SLC26A7: variants seen among roughly 807,000 people sequenced by gnomAD.
The protein encoded by SLC26A7 is anion exchange transporter.
SLC26A7 carries 59 observed loss-of-function variants against 82.5 expected under a neutral mutation model. That is an observed-to-expected ratio of 0.72 (90% confidence interval 0.58 to 0.89). The LOEUF is 0.89. SLC26A7 is among the 40% of genes least tolerant of loss of function. The pLI, the probability that SLC26A7 is intolerant of heterozygous loss-of-function variation, is 0.00. For missense variants in SLC26A7, 820 were observed against 793.0 expected (o/e 1.03, Z -0.41); for synonymous variants, 271 against 274.3 (o/e 0.99, Z 0.12).
intron 2 of SLC26A7, among the ~76,000 whole-genome samples, chr8:91,287,075 T>A (rs1362458782): frequency 1.3e-5 from 2 of 152,196 alleles, no homozygotes; most frequent in Non-Finnish European, 2.9e-5. Flanking sequence ...GATATTGTTG[T>A]TTAAAGTAAA....
At chr8:91,394,974 T>C in intron 18 of SLC26A7, 88 bp from the exon 19 acceptor site, 1 of 1,442,556 alleles carries the variant, frequency 6.9e-7, no homozygotes, top group Non-Finnish European at 9.7e-7. Context: ...CTGGACAGCT[T>C]GCTTCAGTTA....
chr8:91,364,175 G>T (rs1248119599), intron 13 of SLC26A7, among the ~76,000 whole-genome samples: 1 of 152,096 alleles, frequency 6.6e-6, no homozygotes, highest in Non-Finnish European at 1.5e-5. Flanking sequence ...TAAAGTGAGG[G>T]TAAAATTGTT....
chr8:91,367,302 C>G (rs1387820846), intron 14 of SLC26A7, among the ~76,000 whole-genome samples: 1 of 152,106 alleles, frequency 6.6e-6, no homozygotes, highest in Non-Finnish European at 1.5e-5. Flanking sequence ...GCCACTGCGC[C>G]CAGTCGAAAG....
chr8:91,347,193 T>G (rs1361309840), intron 9 of SLC26A7, among the ~76,000 whole-genome samples: 1 of 152,184 alleles, frequency 6.6e-6, no homozygotes, highest in Admixed American at 6.6e-5. Context: ...CCAGTTTTGC[T>G]GACATTAGAA....
chr8:91,352,751 A>G (rs1267610594), intron 10 of SLC26A7, 150 bp from the exon 11 acceptor site: 10 of 535,360 alleles, frequency 1.9e-5, no homozygotes, highest in Non-Finnish European at 3.2e-5. Context: ...TTAGTTTTAA[A>G]CAAAATAAAT....
Position 91,249,675 on chromosome 8 carries a change from G to T in SLC26A7, c.24G>T (p.Lys8Asn), listed in dbSNP as rs753719929. 4 of 1,549,862 alleles carry T rather than the reference G, an allele frequency of 2.6e-6. No individual in the cohort carries two copies. The East Asian group carries it at 9.5e-5, about 37-fold the overall frequency. MTGAKRK[K>N]KSMLWSKMHT... The stretch of plus-strand genomic sequence containing the variant: ...AAATGACAGGAGCAAAGAGGAAAAA[G>T]AAAAGCATGCTTTGGAGCAAGATGC... Residue 8 changes from lysine to asparagine, a missense_variant, in exon 2 of 19, where the codon AAG becomes AAT. Physicochemically the swap from Lys to Asn is moderately conservative, Grantham distance 94 (BLOSUM62 0). Transcript: ENST00000276609.
In SLC26A7 at chr8:91,395,119, C is replaced by T; in HGVS notation, c.*22C>T. ...CTGAGACCCTTTTGTCACAGTACAG[C>T]TCTTGTCTTTACCAACTGCCTGAAG... On this transcript the variant is annotated 3_prime_UTR_variant, in exon 19 of 19. Coordinates refer to ENST00000276609, the MANE Select transcript of SLC26A7 (RefSeq NM_052832.4). 1 of 1,612,906 alleles carries T rather than the reference C, an allele frequency of 6.2e-7. No individual in the cohort carries two copies. The highest frequency in any genetic ancestry group is 2.2e-5 in the East Asian group (1 of 44,830).
chr8:91,235,021 G>A (rs1486511986), intron 2 of SLC26A7, among the ~76,000 whole-genome samples: 1 of 152,002 alleles, frequency 6.6e-6, no homozygotes, highest in Non-Finnish European at 1.5e-5. Flanking sequence ...CTGGGCTCAA[G>A]TTATCCTCCC....
chr8:91,324,314 G>A (rs896203036), intron 5 of SLC26A7, among the ~76,000 whole-genome samples: 2 of 152,232 alleles, frequency 1.3e-5, no homozygotes, highest in Non-Finnish European at 2.9e-5. Context: ...TAAAGGATCA[G>A]AGTTGGCTTT....
At chr8:91,258,410 A>C (rs554972491) in intron 2 of SLC26A7, among the ~76,000 whole-genome samples, 4 of 152,066 alleles carry the variant, frequency 2.6e-5, no homozygotes, top group African/African-American at 9.6e-5. Flanking sequence ...CCCCCCATCT[A>C]CACAGTTTTT....
chr8:91,231,974 A>G (rs1810316738), intron 2 of SLC26A7, among the ~76,000 whole-genome samples: 1 of 152,202 alleles, frequency 6.6e-6, no homozygotes, highest in Admixed American at 6.5e-5. Flanking sequence ...AATAGTAGGT[A>G]TATGAAATCT....
At chr8:91,238,637 C>T (rs1206145797) in intron 2 of SLC26A7, among the ~76,000 whole-genome samples, 2 of 151,378 alleles carry the variant, frequency 1.3e-5, no homozygotes, top group African/African-American at 4.8e-5. Flanking sequence ...AAAAAGGGCA[C>T]TTTAGACCTT....
intron 15 of SLC26A7, among the ~76,000 whole-genome samples, chr8:91,387,363 G>A (rs1359925037): frequency 6.6e-6 from 1 of 152,144 alleles, no homozygotes; most frequent in East Asian, 1.9e-4. Flanking sequence ...CTATGTTGTG[G>A]CTATTTTCAA....
chr8:91,223,143 T>C (rs1810184859), intron 2 of SLC26A7, among the ~76,000 whole-genome samples: 1 of 152,218 alleles, frequency 6.6e-6, no homozygotes, highest in South Asian at 2.1e-4. Context: ...TAGTATTCTC[T>C]GATGGTAGTT....
chr8:91,315,438 C>T (rs1812600871), intron 4 of SLC26A7, among the ~76,000 whole-genome samples: 1 of 149,860 alleles, frequency 6.7e-6, no homozygotes, highest in South Asian at 2.1e-4. Context: ...AACCAACTGA[C>T]CACGAATCAA....
intron 15 of SLC26A7, among the ~76,000 whole-genome samples, chr8:91,378,288 T>C (rs1317778241): frequency 6.6e-6 from 1 of 150,532 alleles, no homozygotes; most frequent in Non-Finnish European, 1.5e-5. Flanking sequence ...TGGTATATAA[T>C]ATTAACATCA....
intron 5 of SLC26A7, among the ~76,000 whole-genome samples, chr8:91,332,094 T>C (rs1327332126): frequency 2.0e-5 from 3 of 149,988 alleles, no homozygotes; most frequent in Non-Finnish European, 3.0e-5. Flanking sequence ...ATCTTTAATA[T>C]TGGATAATGC....
At chr8:91,341,592 A>G (rs1166842121) in intron 8 of SLC26A7, among the ~76,000 whole-genome samples, 3 of 152,178 alleles carry the variant, frequency 2.0e-5, no homozygotes, top group Non-Finnish European at 4.4e-5. Context: ...TATATGTTGA[A>G]CCCTAATACA....
At chr8:91,269,349 C>G (rs927034816) in intron 2 of SLC26A7, among the ~76,000 whole-genome samples, 1 of 152,010 alleles carries the variant, frequency 6.6e-6, no homozygotes, top group African/African-American at 2.4e-5. Context: ...GTTAACTTCG[C>G]TTAGTACATA....
Sources: allele counts gnomAD v4.1 joint callset (sites outside exome capture counted in the v4.1 genomes callset), GRCh38; gene constraint gnomAD v4.1.1; transcripts MANE v1.5; gene names NCBI Gene and HGNC (gene_info 2026-07-23, HGNC 2026-07-21).